Variants in MRTFB observed in about 807,000 individuals in gnomAD.
The protein encoded by MRTFB is myocardin-related transcription factor B.
Under a neutral mutation model 104.2 loss-of-function variants are expected in MRTFB, and 29 were observed. The observed-to-expected ratio is 0.28, with a 90% CI of 0.21 to 0.38. The LOEUF (loss-of-function observed/expected upper bound fraction) is 0.38. Ranked by LOEUF, MRTFB falls within the 10% of genes least tolerant of loss-of-function variation. The probability of loss-of-function intolerance (pLI) is 1.00; values close to 1 mark genes in which losing one functional copy is unlikely to be tolerated. For missense variants in MRTFB, 1,270 were observed against 1,341.6 expected (o/e 0.95, Z 0.83); for synonymous variants, 535 against 519.5 (o/e 1.03, Z -0.41).
At chr16:14,217,684 G>A (rs2041487148) in intron 7 of MRTFB, among the ~76,000 whole-genome samples, 1 of 152,166 alleles carries the variant, frequency 6.6e-6, no homozygotes, top group Admixed American at 6.5e-5. Context: ...TTTTAAGATA[G>A]GATATTAACT....
intron 3 of MRTFB, among the ~76,000 whole-genome samples, chr16:14,163,833 CAA>C (rs71715684): frequency 0.036 from 3,658 of 102,042 alleles, 66 homozygotes; most frequent in Middle Eastern, 0.15. Flanking sequence ...AACTCTGTCT[CAA>C]AAAAAAAAAA....
the MRTFB span, among the ~76,000 whole-genome samples, chr16:14,029,875 G>GATAA: frequency 2.0e-5 from 3 of 152,102 alleles, no homozygotes; most frequent in African/African-American, 7.2e-5. Flanking sequence ...GTTACCTGCA[G>GATAA]CCTCCGCAGG....
chr16:14,224,629 A>G (rs1318000938), intron 8 of MRTFB, among the ~76,000 whole-genome samples: 5 of 152,224 alleles, frequency 3.3e-5, no homozygotes, highest in Non-Finnish European at 5.9e-5. Flanking sequence ...CAATAAGACT[A>G]TCAGTGGATT....
At chr16:14,104,465 G>T (rs2035868083) in intron 2 of MRTFB, among the ~76,000 whole-genome samples, 1 of 152,166 alleles carries the variant, frequency 6.6e-6, no homozygotes, top group Non-Finnish European at 1.5e-5. Context: ...TTTACACTCA[G>T]GCAGGATGAC....
chr16:14,107,856 G>A (rs568712324), intron 2 of MRTFB, among the ~76,000 whole-genome samples: 1 of 152,354 alleles, frequency 6.6e-6, no homozygotes, highest in Non-Finnish European at 1.5e-5. Context: ...AGTAGGTGTT[G>A]TTGGGATCTG....
chr16:14,196,735 C>G (rs1246377513), intron 3 of MRTFB, among the ~76,000 whole-genome samples: 1 of 152,286 alleles, frequency 6.6e-6, no homozygotes, highest in East Asian at 1.9e-4. Flanking sequence ...TTGTTTCAGA[C>G]AGGAAGTGCT....
rs550216888 is a variant in MRTFB at position 14,262,824 on chromosome 16, G to C, written c.*1380G>C. 4.6e-5 allele frequency: 7 copies of C among 152,194 alleles called. No individual in the cohort carries two copies. Among genetic ancestry groups the C allele is most frequent in the Non-Finnish European group, 7.3e-5 (5 of 68,034 alleles). 9.4% of individuals were successfully genotyped at this position (152,194 alleles called of 1,614,324 possible). A position where few individuals can be genotyped will look rare whatever the true frequency, so the allele number is the denominator to read the frequency against. On this transcript the variant is annotated 3_prime_UTR_variant, in exon 17 of 17. Transcript: ENST00000571589. ...AACTGAAATCTACCAAAAGAGCATG[G>C]AGATTTTTCTTAAATAATAATATTG...
In MRTFB at chr16:14,098,185, T is replaced by C. The variant is rs1389168771; in HGVS notation, c.-64+18831T>C. ...GCCAAACTGTTTCCAAGTTGTCATTTCCTTTTATATTCCCAACTGCAGTAC... is the reference window on the plus strand; with the variant it reads ...GCCAAACTGTTTCCAAGTTGTCATTCCCTTTTATATTCCCAACTGCAGTAC... On this transcript the variant is annotated intron_variant, in intron 2 of 16. Transcript: ENST00000571589. 2.0e-5 allele frequency among the ~76,000 whole-genome samples: 3 copies of C among 152,226 alleles called. No homozygotes were observed. In the East Asian group the frequency reaches 5.8e-4, roughly 29 times the overall value.
At chr16:14,086,621 C>A (rs1008155243) in intron 2 of MRTFB, among the ~76,000 whole-genome samples, 5 of 151,948 alleles carry the variant, frequency 3.3e-5, no homozygotes, top group Non-Finnish European at 2.9e-5. Flanking sequence ...TCTAAAATAA[C>A]CAAATTTCTG....
At chr16:14,116,329 C>T (rs115050081) in intron 2 of MRTFB, among the ~76,000 whole-genome samples, 393 of 152,230 alleles carry the variant, frequency 2.6e-3, no homozygotes, top group African/African-American at 8.8e-3. Context: ...TCCAAGGAAA[C>T]CTTTCCCCTC....
the MRTFB span, among the ~76,000 whole-genome samples, chr16:14,004,333 T>C: frequency 6.6e-6 from 1 of 152,072 alleles, no homozygotes; most frequent in Admixed American, 6.6e-5. Flanking sequence ...TTAATCAGGG[T>C]CAGGCACTGA....
At chr16:14,251,250 G>A (rs868137133) in intron 13 of MRTFB, among the ~76,000 whole-genome samples, 25 of 152,026 alleles carry the variant, frequency 1.6e-4, no homozygotes, top group African/African-American at 2.2e-4. Flanking sequence ...GGTGGCGGGC[G>A]CCTGTAGTCC....
intron 2 of MRTFB, among the ~76,000 whole-genome samples, chr16:14,090,810 C>CT (rs750273733): frequency 1.1e-3 from 169 of 151,994 alleles, no homozygotes; most frequent in Non-Finnish European, 2.1e-3. Context: ...TGTGACGACT[C>CT]TGATGCCTAA....
intron 3 of MRTFB, among the ~76,000 whole-genome samples, chr16:14,168,227 G>A (rs1167172388): frequency 6.6e-6 from 1 of 151,922 alleles, no homozygotes; most frequent in Non-Finnish European, 1.5e-5. Context: ...ATGTGTGTGT[G>A]TGTGTGTGTG....
At chr16:14,131,948 GA>G (rs1411138084) in intron 2 of MRTFB, among the ~76,000 whole-genome samples, 1 of 152,008 alleles carries the variant, frequency 6.6e-6, no homozygotes, top group Non-Finnish European at 1.5e-5. Flanking sequence ...CAAGAGAATG[GA>G]AAAAATATAT....
the MRTFB span, among the ~76,000 whole-genome samples, chr16:14,021,990 C>A: frequency 0.013 from 1,946 of 152,286 alleles, 28 homozygotes; most frequent in Non-Finnish European, 0.02. Context: ...AAAAGTAGAA[C>A]TCTCTGACTT....
chr16:14,099,676 T>G (rs73513197), intron 2 of MRTFB, among the ~76,000 whole-genome samples: 3,861 of 151,340 alleles, frequency 0.026, 181 homozygotes, highest in African/African-American at 0.089. Flanking sequence ...TTTTCTTTTT[T>G]TTTTTTTTTG....
chr16:14,248,882 G>C (rs1386502856), intron 12 of MRTFB, 44 bp from the exon 13 acceptor site: 3 of 1,600,658 alleles, frequency 1.9e-6, no homozygotes, highest in African/African-American at 2.7e-5. Flanking sequence ...TTCTAACTTT[G>C]ATTCTGACAA....
intron 2 of MRTFB, among the ~76,000 whole-genome samples, chr16:14,105,463 C>A (rs774079424): frequency 2.6e-5 from 4 of 151,852 alleles, no homozygotes; most frequent in Non-Finnish European, 4.4e-5. Context: ...GGTGGCATAA[C>A]CATGGCTCAC....
Sources: gnomAD v4.1 joint callset for allele counts (sites outside exome capture counted in the v4.1 genomes callset) on GRCh38, gnomAD v4.1.1 for gene constraint, MANE v1.5 for transcripts, NCBI Gene and HGNC (gene_info 2026-07-23, HGNC 2026-07-21) for gene names.